Variants in PSD3 observed in about 807,000 individuals in gnomAD.
PSD3 encodes pleckstrin and Sec7 domain containing 3.
Under a neutral mutation model 105.5 loss-of-function variants are expected in PSD3, and 49 were observed. The ratio of observed to expected loss-of-function variants is 0.46; its 90% CI spans 0.37 to 0.59. The LOEUF (loss-of-function observed/expected upper bound fraction) is 0.59. Ranked by LOEUF, PSD3 falls within the 20% of genes least tolerant of loss-of-function variation. PSD3 has a pLI of 0.00. For missense variants in PSD3, 1,561 were observed against 1,263.8 expected (o/e 1.24, Z -3.57); for synonymous variants, 557 against 457.8 (o/e 1.22, Z -2.77).
intron 10 of PSD3, among the ~76,000 whole-genome samples, chr8:18,645,116 C>A (rs1481766722): frequency 6.6e-6 from 1 of 152,328 alleles, no homozygotes; most frequent in East Asian, 1.9e-4. Context: ...TTAATTAGGG[C>A]AGAGCCCTTT....
intron 10 of PSD3, among the ~76,000 whole-genome samples, chr8:18,643,426 G>A (rs765425157): frequency 2.3e-4 from 35 of 152,294 alleles, no homozygotes; most frequent in Non-Finnish European, 4.1e-4. Flanking sequence ...CAACTCAGAA[G>A]TCCGAAGTCC....
intron 4 of PSD3, among the ~76,000 whole-genome samples, chr8:18,826,465 G>A (rs1232640628): frequency 3.3e-5 from 5 of 152,092 alleles, no homozygotes; most frequent in Admixed American, 6.5e-5. Flanking sequence ...TTACTATATG[G>A]CTCATCAAAC....
chr8:18,836,718 A>G (rs1392508569), intron 4 of PSD3, among the ~76,000 whole-genome samples: 1 of 152,106 alleles, frequency 6.6e-6, no homozygotes. Context: ...TCATCTCTAG[A>G]TTACTGATAA....
intron 1 of PSD3, among the ~76,000 whole-genome samples, chr8:19,013,147 C>T (rs185189662): frequency 6.6e-6 from 1 of 152,142 alleles, no homozygotes; most frequent in East Asian, 1.9e-4. Flanking sequence ...TTCCCTTGTC[C>T]GTTTGCTCGC....
intron 1 of PSD3, among the ~76,000 whole-genome samples, chr8:19,032,448 G>T (rs1827802255): frequency 6.6e-6 from 1 of 152,052 alleles, no homozygotes; most frequent in African/African-American, 2.4e-5. Flanking sequence ...TTCAAGGTCA[G>T]CCTGGGTCTT....
intron 1 of PSD3, among the ~76,000 whole-genome samples, chr8:19,027,623 G>T (rs1039095273): frequency 6.6e-6 from 1 of 152,174 alleles, no homozygotes; most frequent in African/African-American, 2.4e-5. Context: ...GCTGAGATCA[G>T]AGCAACTGCT....
intron 9 of PSD3, among the ~76,000 whole-genome samples, chr8:18,686,203 C>T (rs1032403895): frequency 6.6e-6 from 1 of 152,198 alleles, no homozygotes; most frequent in Non-Finnish European, 1.5e-5. Flanking sequence ...CCACTTTCAT[C>T]GATCTGTTTA....
At chr8:18,901,979 T>G (rs751754224) in intron 2 of PSD3, among the ~76,000 whole-genome samples, 1 of 152,170 alleles carries the variant, frequency 6.6e-6, no homozygotes, top group Admixed American at 6.5e-5. Context: ...CCTTGACTTG[T>G]GTCAATTTGA....
At chr8:18,998,921 AACTC>A (rs1193781399) in intron 1 of PSD3, among the ~76,000 whole-genome samples, 3 of 151,972 alleles carry the variant, frequency 2.0e-5, no homozygotes, top group African/African-American at 2.4e-5. Context: ...ATACTTTAGT[AACTC>A]ACTCACTCTG....
At chr8:18,719,469 C>G (rs1266678448) in intron 9 of PSD3, among the ~76,000 whole-genome samples, 2 of 152,142 alleles carry the variant, frequency 1.3e-5, no homozygotes, top group African/African-American at 4.8e-5. Flanking sequence ...TTATTATGTG[C>G]TACTAGTCAT....
chr8:19,015,158 G>T (rs761753856), upstream of PSD3, among the ~76,000 whole-genome samples: 3 of 152,090 alleles, frequency 2.0e-5, no homozygotes, highest in Admixed American at 2.0e-4. Flanking sequence ...GGCTGTTCTC[G>T]TCATAGTGAA....
At position 18,575,183 on chromosome 8, in the gene PSD3, G is replaced by C. The variant is rs1585280686; in HGVS notation, c.2584C>G (p.Pro862Ala). 8 of 1,613,870 alleles carry C rather than the reference G, an allele frequency of 5.0e-6. No individual in the cohort carries two copies. Among genetic ancestry groups the C allele is most frequent in the Non-Finnish European group, 6.8e-6 (8 of 1,179,888 alleles). ...GCAGTTTTAAGTTTAAACACGTTTG[G>C]TTTCTTCTCATAGTCCGTGGCCTTG... ...ASKATDYEKK[P>A]NVFKLKTADW... The change falls in exon 13 of 16, where the codon CCA (proline) becomes GCA (alanine). Residue 862 changes from proline (P) to alanine (A), a missense_variant. By Grantham distance (27) the Pro-to-Ala change is conservative. Coordinates refer to ENST00000327040, the MANE Select transcript of PSD3 (RefSeq NM_015310.4).
intron 2 of PSD3, among the ~76,000 whole-genome samples, chr8:18,874,351 G>A (rs118071983): frequency 0.046 from 6,978 of 151,698 alleles, 192 homozygotes; most frequent in Middle Eastern, 0.085. Context: ...GTTTTAAGTA[G>A]AGACGGGGTT....
At chr8:18,627,409 C>A (rs920749035) in intron 11 of PSD3, among the ~76,000 whole-genome samples, 4 of 151,912 alleles carry the variant, frequency 2.6e-5, no homozygotes, top group African/African-American at 7.3e-5. Flanking sequence ...TCGATCTTAG[C>A]ACTAGTGAAA....
At chr8:18,751,588 TCACTAGCAA>T (rs1805494227) in intron 9 of PSD3, among the ~76,000 whole-genome samples, 1 of 149,580 alleles carries the variant, frequency 6.7e-6, no homozygotes, top group Non-Finnish European at 1.5e-5. Flanking sequence ...CCACCACTAG[TCACTAGCAA>T]CACTAAGGCA....
chr8:18,919,206 T>C lies in PSD3; in HGVS notation c.130+16828A>G, dbSNP rs146777153. On this transcript the variant is annotated intron_variant, in intron 2 of 15. Transcript: ENST00000327040. ...GGCTTCAGCTTCTTCTAGCAGTGTT[T>C]GTTCTACCCTTTCAAACAAGCTGAC... Among the ~76,000 whole-genome samples the C allele has an allele frequency of 6.9e-3, 1,054 of 152,288 alleles. 4 individuals are homozygous for C. The highest frequency in any genetic ancestry group is 0.017 in the Middle Eastern group (5 of 294).
At chr8:18,839,130 A>G (rs1814399512) in intron 4 of PSD3, among the ~76,000 whole-genome samples, 1 of 151,970 alleles carries the variant, frequency 6.6e-6, no homozygotes, top group Admixed American at 6.6e-5. Context: ...GGCTGCTTGC[A>G]GCTCATCTTA....
intron 9 of PSD3, among the ~76,000 whole-genome samples, chr8:18,668,926 C>T (rs766079640): frequency 2.0e-5 from 3 of 152,166 alleles, no homozygotes; most frequent in Non-Finnish European, 4.4e-5. Flanking sequence ...CTTAGGCCTT[C>T]TTATTAGTTT....
chr8:18,763,637 A>C (rs558966461), intron 9 of PSD3, among the ~76,000 whole-genome samples: 15 of 152,154 alleles, frequency 9.9e-5, no homozygotes, highest in Admixed American at 2.6e-4. Flanking sequence ...GGAGAAAAGG[A>C]AGGCAGGAAG....
Sources: gnomAD v4.1 joint callset for allele counts (sites outside exome capture counted in the v4.1 genomes callset) on GRCh38, gnomAD v4.1.1 for gene constraint, MANE v1.5 for transcripts, NCBI Gene and HGNC (gene_info 2026-07-23, HGNC 2026-07-21) for gene names.